The following DISC1 variants were observed in gnomAD, a reference collection of about 807,000 sequenced individuals.
DISC1 encodes the protein DISC1 scaffold protein.
Under a neutral mutation model 84.5 loss-of-function variants are expected in DISC1, and 57 were observed. The observed-to-expected ratio is 0.67, with a 90% CI of 0.55 to 0.84. DISC1 has a LOEUF of 0.84. Among genes scored for constraint, DISC1 ranks in the 40% least tolerant of loss-of-function variants. The probability of loss-of-function intolerance (pLI) is 0.00; values close to 1 mark genes in which losing one functional copy is unlikely to be tolerated. For synonymous variants in DISC1, 411 were observed against 415.2 expected (o/e 0.99, Z 0.12); for missense variants, 1,000 against 1,057.8 (o/e 0.95, Z 0.76).
At chr1:231,702,755 G>A (rs548696348) in intron 3 of DISC1, 1 of 226,656 alleles carries the variant, frequency 4.4e-6, no homozygotes, top group South Asian at 1.6e-4. Context: ...CTGAGTCAAA[G>A]GAAAGCTTTC....
At chr1:231,696,812 A>G (rs1203557803) in intron 2 of DISC1, among the ~76,000 whole-genome samples, 1 of 152,182 alleles carries the variant, frequency 6.6e-6, no homozygotes, top group Non-Finnish European at 1.5e-5. Flanking sequence ...CTAGGTGTGT[A>G]ATGGGCTACA....
intron 1 of DISC1, among the ~76,000 whole-genome samples, chr1:231,641,619 T>G (rs1322732553): frequency 6.6e-6 from 1 of 152,216 alleles, no homozygotes; most frequent in Non-Finnish European, 1.5e-5. Flanking sequence ...CCTGCTTTTA[T>G]TCTCTTATCT....
intron 11 of DISC1, 144 bp from the exon 12 acceptor site, chr1:232,026,291 T>G (rs1275015644): frequency 3.2e-6 from 2 of 617,734 alleles, no homozygotes; most frequent in African/African-American, 3.7e-5. Flanking sequence ...ACTTCTCAAG[T>G]TTGATACCCA....
At chr1:231,788,955 G>A (rs934882425) in intron 6 of DISC1, among the ~76,000 whole-genome samples, 10 of 138,738 alleles carry the variant, frequency 7.2e-5, no homozygotes, top group Non-Finnish European at 1.5e-4. Flanking sequence ...ATCAAATACT[G>A]ATTAGGTACA....
chr1:231,647,177 T>C (rs1169795954), intron 1 of DISC1, among the ~76,000 whole-genome samples: 2 of 152,218 alleles, frequency 1.3e-5, no homozygotes, highest in Non-Finnish European at 2.9e-5. Flanking sequence ...GGTTTTCTTC[T>C]AGGGTTTTTA....
At chr1:231,775,415 G>T (rs1288427328) in intron 6 of DISC1, among the ~76,000 whole-genome samples, 1 of 152,216 alleles carries the variant, frequency 6.6e-6, no homozygotes, top group African/African-American at 2.4e-5. Flanking sequence ...TAGAGGGCAT[G>T]TGCTGGGGTC....
chr1:231,848,274 C>T (rs372756132), intron 9 of DISC1, among the ~76,000 whole-genome samples: 121 of 152,214 alleles, frequency 7.9e-4, no homozygotes, highest in African/African-American at 2.7e-3. Flanking sequence ...GACTGCATCC[C>T]ATGATGCAGG....
intron 6 of DISC1, among the ~76,000 whole-genome samples, chr1:231,779,776 G>A (rs1361723113): frequency 2.6e-5 from 4 of 151,774 alleles, no homozygotes; most frequent in African/African-American, 9.7e-5. Context: ...AGCCAGGATG[G>A]TCTCAATCTC....
chr1:231,791,888 T>C (rs945051650), intron 6 of DISC1, among the ~76,000 whole-genome samples: 1 of 152,176 alleles, frequency 6.6e-6, no homozygotes, highest in Non-Finnish European at 1.5e-5. Context: ...GTGTGTATGT[T>C]TGGGGGACTA....
intron 3 of DISC1, among the ~76,000 whole-genome samples, chr1:231,725,859 T>G (rs1485263624): frequency 6.6e-6 from 1 of 151,660 alleles, no homozygotes; most frequent in Non-Finnish European, 1.5e-5. Flanking sequence ...TCGGGGGTGG[T>G]GTCTTTGAGG....
intron 9 of DISC1, among the ~76,000 whole-genome samples, chr1:231,845,400 C>T (rs77222996): frequency 0.022 from 3,279 of 151,916 alleles, 111 homozygotes; most frequent in African/African-American, 0.073. Flanking sequence ...GGAAGGCCGG[C>T]GGGGGGAGGT....
intron 12 of DISC1, among the ~76,000 whole-genome samples, chr1:232,033,243 T>C (rs527746203): frequency 2.6e-5 from 4 of 152,318 alleles, no homozygotes; most frequent in Non-Finnish European, 5.9e-5. Context: ...TTAATGCCTT[T>C]TCCATTTTCC....
intron 9 of DISC1, among the ~76,000 whole-genome samples, chr1:231,898,881 C>T (rs1271296520): frequency 3.3e-5 from 5 of 151,416 alleles, no homozygotes; most frequent in African/African-American, 7.3e-5. Flanking sequence ...TGCAGTGAGC[C>T]GAGATGATGC....
intron 11 of DISC1, among the ~76,000 whole-genome samples, chr1:232,025,742 G>A (rs900772796): frequency 4.6e-5 from 7 of 151,584 alleles, no homozygotes; most frequent in Non-Finnish European, 8.9e-5. Flanking sequence ...GACTACAGGC[G>A]CCCGCCACTA....
chr1:231,866,136 T>C (rs1320956217), intron 9 of DISC1, among the ~76,000 whole-genome samples: 2 of 151,716 alleles, frequency 1.3e-5, no homozygotes, highest in East Asian at 3.9e-4. Context: ...GTGGCCCACA[T>C]CCCCCCAGGG....
chr1:231,899,328 A>G (rs2087965099), intron 9 of DISC1, among the ~76,000 whole-genome samples: 2 of 152,092 alleles, frequency 1.3e-5, no homozygotes, highest in Admixed American at 6.6e-5. Context: ...GAGAATGTGC[A>G]TTTCTAAGAC....
At chr1:231,778,991 C>G (rs534661621) in intron 6 of DISC1, among the ~76,000 whole-genome samples, 2 of 152,048 alleles carry the variant, frequency 1.3e-5, no homozygotes, top group Admixed American at 1.3e-4. Context: ...AATGCTAAAA[C>G]GAGATCATAA....
rs1670730748 is a variant in DISC1, at chr1:232,040,284, GCA to G, written c.*3455_*3456del. The G allele has an allele frequency of 6.6e-6, 1 of 152,060 alleles. No homozygotes were observed. The highest frequency in any genetic ancestry group is 2.4e-5 in the African/African-American group (1 of 41,372). 9.4% of individuals were successfully genotyped at this position (152,060 alleles called of 1,614,324 possible). A position where few individuals can be genotyped will look rare whatever the true frequency, so the allele number is the denominator to read the frequency against. On this transcript the variant is annotated 3_prime_UTR_variant, in exon 13 of 13. Transcript: ENST00000439617. Reference sequence around the variant, plus strand: ...GCTGAGATTACAGGTGTGAGCCACCGCACCCGGCCAACTTTCTGAAATTTCAA... The same window carrying G: ...GCTGAGATTACAGGTGTGAGCCACCGCCCGGCCAACTTTCTGAAATTTCAA...
At chr1:231,820,435 G>T (rs937051172) in intron 9 of DISC1, among the ~76,000 whole-genome samples, 1 of 152,172 alleles carries the variant, frequency 6.6e-6, no homozygotes. Flanking sequence ...ATGCATGCAT[G>T]TACCATGACT....
Sources: gnomAD v4.1 joint callset for allele counts (sites outside exome capture counted in the v4.1 genomes callset) on GRCh38, gnomAD v4.1.1 for gene constraint, MANE v1.5 for transcripts, NCBI Gene and HGNC (gene_info 2026-07-23, HGNC 2026-07-21) for gene names.